SPARCL1: variants seen among roughly 807,000 people sequenced by gnomAD.
SPARCL1 encodes SPARC like 1.
Under a neutral mutation model 67.1 loss-of-function variants are expected in SPARCL1, and 52 were observed. The observed-to-expected ratio is 0.78, with a 90% confidence interval of 0.62 to 0.98. SPARCL1 has a LOEUF of 0.98. SPARCL1 is among the 50% of genes least tolerant of loss of function. The pLI, the probability that SPARCL1 is intolerant of heterozygous loss-of-function variation, is 0.00. For missense variants in SPARCL1, 717 were observed against 782.4 expected (o/e 0.92, Z 1.00); for synonymous variants, 226 against 267.8 (o/e 0.84, Z 1.52).
intron 1 of SPARCL1, among the ~76,000 whole-genome samples, chr4:87,504,185 TGGG>T (rs1553970330): frequency 4.2e-4 from 8 of 19,058 alleles, no homozygotes; most frequent in South Asian, 2.7e-3. Flanking sequence ...GTGTGTGTGG[TGGG>T]GTGGGGGTGG....
chr4:87,486,509 A>G (rs748741223), intron 7 of SPARCL1, among the ~76,000 whole-genome samples: 9 of 152,144 alleles, frequency 5.9e-5, no homozygotes, highest in Non-Finnish European at 1.0e-4. Flanking sequence ...AATAAGTACA[A>G]TGTGGTGCTG....
chr4:87,496,743 G>A (rs536065286), intron 2 of SPARCL1, among the ~76,000 whole-genome samples: 1 of 152,244 alleles, frequency 6.6e-6, no homozygotes, highest in South Asian at 2.1e-4. Context: ...GAGATACTCT[G>A]GACACTCAGA....
chr4:87,508,850 TATAG>T lies in SPARCL1; in HGVS notation c.-11-9269_-11-9266del, dbSNP rs567427619. ...TATATGTATGTAATGTAGATACGTA[TATAG>T]ATAAATATATACATATATAGATACA... On this transcript the variant is annotated intron_variant, in intron 1 of 10. Transcript: ENST00000282470. Among the ~76,000 whole-genome samples the T allele has an allele frequency of 2.2e-3, 322 of 144,304 alleles. 2 individuals carry two copies. Among genetic ancestry groups the T allele is most frequent in the African/African-American group, 7.7e-3 (298 of 38,748 alleles). 94.7% of individuals were successfully genotyped at this position (144,304 alleles called of 152,430 possible).
chr4:87,514,429 A>G (rs1336424548), intron 1 of SPARCL1, among the ~76,000 whole-genome samples: 1 of 152,178 alleles, frequency 6.6e-6, no homozygotes, highest in East Asian at 1.9e-4. Context: ...TACTGAGTCC[A>G]AAGATGGAAC....
Position 87,494,336 on chromosome 4 carries a change from TC to T in SPARCL1, c.463del (p.Glu155LysfsTer21). ...GTTTTCCTCTCTCTTTGTGATACTT[TC>T]TTGTTGGTTAGAATCTGTGAAGGAA... ...VSSFTDSNQQ[E>X]SITKREENQE... On this transcript the variant is annotated frameshift_variant, in exon 4 of 11. Coordinates refer to ENST00000282470, the MANE Select transcript of SPARCL1 (RefSeq NM_004684.6). LOFTEE classifies it high-confidence loss of function. 6.2e-7 allele frequency: 1 copy of T among 1,614,200 alleles called. No homozygotes were observed. Among genetic ancestry groups the T allele is most frequent in the Non-Finnish European group, 8.5e-7 (1 of 1,180,040 alleles).
At position 87,519,354 on chromosome 4, in the gene SPARCL1, G is replaced by C. The variant is rs564526187; in HGVS notation, c.-12+9691C>G. Among the ~76,000 whole-genome samples the C allele has an allele frequency of 2.2e-3, 329 of 152,268 alleles. 1 individual carries two copies. The highest frequency in any genetic ancestry group is 7.7e-3 in the African/African-American group (318 of 41,542). On this transcript the variant is annotated intron_variant, in intron 1 of 10. Transcript: ENST00000282470. ...CCCAAAGTGCTGGGATTACAGGCAT[G>C]AGCCATTGTGTCCGGCCTGGGTCCC... is the stretch of plus-strand genomic sequence containing the variant.
At chr4:87,498,340 A>G (rs1724707120) in intron 2 of SPARCL1, among the ~76,000 whole-genome samples, 1 of 152,202 alleles carries the variant, frequency 6.6e-6, no homozygotes, top group Admixed American at 6.5e-5. Flanking sequence ...ACCAGAAGCT[A>G]GCTAACAACT....
chr4:87,511,617 G>A (rs1006466396), intron 1 of SPARCL1, among the ~76,000 whole-genome samples: 1 of 152,220 alleles, frequency 6.6e-6, no homozygotes, highest in African/African-American at 2.4e-5. Flanking sequence ...TACAAACAGT[G>A]AGAGAAAGAA....
chr4:87,495,393 A>G (rs7657140), intron 2 of SPARCL1, among the ~76,000 whole-genome samples: 32,486 of 152,084 alleles, frequency 0.21, 5,218 homozygotes, highest in African/African-American at 0.45. Flanking sequence ...AATAATGGTA[A>G]CTTTGAGTTT....
intron 1 of SPARCL1, among the ~76,000 whole-genome samples, chr4:87,515,767 A>G (rs1351460527): frequency 6.6e-6 from 1 of 152,238 alleles, no homozygotes; most frequent in African/African-American, 2.4e-5. Flanking sequence ...AAATCTCCAG[A>G]GGAATCATTT....
At chr4:87,485,560 C>T (rs1247530076) in intron 7 of SPARCL1, among the ~76,000 whole-genome samples, 1 of 146,964 alleles carries the variant, frequency 6.8e-6, no homozygotes, top group Non-Finnish European at 1.5e-5. Context: ...GTTTTGGTAT[C>T]AGGATGATGC....
chr4:87,489,166 G>T (rs938777566), intron 7 of SPARCL1, among the ~76,000 whole-genome samples: 1 of 152,216 alleles, frequency 6.6e-6, no homozygotes, highest in African/African-American at 2.4e-5. Flanking sequence ...CTAGCTCGGT[G>T]TCTGCCCAAA....
At chr4:87,502,415 T>A (rs1450739339) in intron 1 of SPARCL1, among the ~76,000 whole-genome samples, 1 of 152,174 alleles carries the variant, frequency 6.6e-6, no homozygotes, top group African/African-American at 2.4e-5. Context: ...AGCTCCCTAT[T>A]CCTTTCTTCT....
At position 87,490,885 on chromosome 4, in the gene SPARCL1, G is replaced by T. The variant is rs755838913; in HGVS notation, c.1292-7C>A. 4 of 1,505,104 alleles carry T rather than the reference G, an allele frequency of 2.7e-6. No homozygotes were observed. The Admixed American group carries it at 5.6e-5, about 21-fold the overall frequency. 93.2% of individuals were successfully genotyped at this position (1,505,104 alleles called of 1,614,324 possible). On this transcript the variant is annotated splice_region_variant and splice_polypyrimidine_tract_variant and intron_variant, in intron 5 of 10. Coordinates refer to ENST00000282470, the MANE Select transcript of SPARCL1 (RefSeq NM_004684.6). ...TGGAAGCTCATGCAAGAATCTAACAGAAAAGATTGGGCAGGAAGCATGGAC... is the reference window on the plus strand; with the variant it reads ...TGGAAGCTCATGCAAGAATCTAACATAAAAGATTGGGCAGGAAGCATGGAC...
intron 1 of SPARCL1, among the ~76,000 whole-genome samples, chr4:87,508,083 G>A (rs1027278289): frequency 1.3e-5 from 2 of 152,172 alleles, no homozygotes; most frequent in Admixed American, 1.3e-4. Context: ...GCCTTTTATG[G>A]AGACTTCATG....
At position 87,479,430 on chromosome 4, in the gene SPARCL1, C is replaced by T; in HGVS notation, c.1966G>A (p.Glu656Lys). The change falls in exon 10 of 11, where the codon GAG (glutamate) becomes AAG (lysine). Residue 656 changes from glutamate (E) to lysine (K), a missense_variant and splice_region_variant. Physicochemically the swap from Glu to Lys is moderately conservative, Grantham distance 56 (BLOSUM62 1). Coordinates refer to ENST00000282470, the MANE Select transcript of SPARCL1 (RefSeq NM_004684.6). Reference protein sequence around the residue: ...EWGHCFGIKEEDIDENLLF With the variant: ...EWGHCFGIKEKDIDENLLF Reference sequence around the variant, plus strand: ...CTTCTTTGGCTGGTGATGAATTTACCTTCTTTAATTCCAAAGCAGTGGCCC... The same window carrying T: ...CTTCTTTGGCTGGTGATGAATTTACTTTCTTTAATTCCAAAGCAGTGGCCC... 1 of 1,612,560 alleles carries T rather than the reference C, an allele frequency of 6.2e-7. No homozygotes were observed. Among genetic ancestry groups the T allele is most frequent in the Non-Finnish European group, 8.5e-7 (1 of 1,179,660 alleles).
At chr4:87,513,972 TC>T (rs1725479517) in intron 1 of SPARCL1, among the ~76,000 whole-genome samples, 1 of 152,200 alleles carries the variant, frequency 6.6e-6, no homozygotes, top group Non-Finnish European at 1.5e-5. Context: ...GGCAGGCAGA[TC>T]ACTTGAGGTC....
At chr4:87,506,578 T>C (rs1029401268) in intron 1 of SPARCL1, among the ~76,000 whole-genome samples, 1 of 152,140 alleles carries the variant, frequency 6.6e-6, no homozygotes, top group African/African-American at 2.4e-5. Flanking sequence ...TGCTGTTGGA[T>C]TGGGACTTAA....
intron 1 of SPARCL1, among the ~76,000 whole-genome samples, chr4:87,500,372 A>G (rs936048520): frequency 6.6e-6 from 1 of 152,170 alleles, no homozygotes; most frequent in Non-Finnish European, 1.5e-5. Context: ...TGAGGCTCAG[A>G]GAGGTTAAGT....
Sources: gnomAD v4.1 joint callset for allele counts (sites outside exome capture counted in the v4.1 genomes callset) on GRCh38, gnomAD v4.1.1 for gene constraint, MANE v1.5 for transcripts, NCBI Gene and HGNC (gene_info 2026-07-23, HGNC 2026-07-21) for gene names.